Variants in MAL observed in about 807,000 individuals in gnomAD.
MAL encodes myelin and lymphocyte protein.
In MAL, 5 loss-of-function variants were observed where a neutral mutation model predicts 16.7. The observed-to-expected ratio is 0.30, with a 90% CI of 0.16 to 0.63. MAL has a LOEUF of 0.63. MAL is among the 30% of genes least tolerant of loss of function. The probability of loss-of-function intolerance (pLI) is 0.82; values close to 1 mark genes in which losing one functional copy is unlikely to be tolerated. For missense variants in MAL, 202 were observed against 195.8 expected, an observed-to-expected ratio of 1.03 and a Z score of -0.19; for synonymous variants, 96 against 85.5, an observed-to-expected ratio of 1.12 and a Z score of -0.67.
chr2:95,049,351 A>G (rs1674661732), intron 2 of MAL, among the ~76,000 whole-genome samples: 1 of 152,076 alleles, frequency 6.6e-6, no homozygotes, highest in Non-Finnish European at 1.5e-5. Context: ...ACCCTTCCTC[A>G]GGGGAGACCA....
At chr2:95,039,610 G>A (rs1276122890) in intron 1 of MAL, among the ~76,000 whole-genome samples, 2 of 151,500 alleles carry the variant, frequency 1.3e-5, no homozygotes, top group East Asian at 3.9e-4. Context: ...CTGAGTGAGT[G>A]AGTGACAGTG....
chr2:95,032,487 T>C (rs762403775), intron 1 of MAL, among the ~76,000 whole-genome samples: 8 of 152,174 alleles, frequency 5.3e-5, no homozygotes, highest in Non-Finnish European at 1.2e-4. Flanking sequence ...CATGGTGCTT[T>C]GGACCAGCAG....
At chr2:95,037,525 C>CG in intron 1 of MAL, among the ~76,000 whole-genome samples, 1 of 44,974 alleles carries the variant, frequency 2.2e-5, no homozygotes, top group East Asian at 7.0e-4. Context: ...AGTGAGTGAG[C>CG]AAGCGAGTGA....
intron 2 of MAL, among the ~76,000 whole-genome samples, chr2:95,049,231 C>T (rs567146623): frequency 6.6e-6 from 1 of 152,342 alleles, no homozygotes; most frequent in Admixed American, 6.5e-5. Context: ...CACTGGTCAG[C>T]GAGGCCACAC....
chr2:95,051,949 G>A (rs1317398923), intron 3 of MAL: 1 of 152,244 alleles, frequency 6.6e-6, no homozygotes, highest in Non-Finnish European at 1.5e-5. Context: ...TGGGTACAGG[G>A]AGGCACCTCA....
chr2:95,045,174 A>G (rs1674557812), intron 1 of MAL, among the ~76,000 whole-genome samples: 1 of 152,246 alleles, frequency 6.6e-6, no homozygotes, highest in South Asian at 2.1e-4. Flanking sequence ...CCTTCATCAG[A>G]AAAACCAAAG....
rs778160897 is a variant in MAL, at chr2:95,053,385, T to C, written c.392T>C (p.Phe131Ser). ...GGCCATTTCTCTTGGTTCCAGGTGT[T>C]CTCCTACATAGCCACTCTGCTCTAC... ...HYHENIAAVV[F>S]SYIATLLYVV... The change falls in exon 4 of 4, where the codon TTC becomes TCC. Residue 131 changes from phenylalanine (F) to serine (S), a missense_variant. Transcript: ENST00000309988. 23 of 1,611,444 alleles carry C rather than the reference T, an allele frequency of 1.4e-5. No homozygotes were observed.
intron 1 of MAL, among the ~76,000 whole-genome samples, chr2:95,036,013 A>G (rs940024176): frequency 1.3e-5 from 2 of 152,132 alleles, no homozygotes; most frequent in Non-Finnish European, 2.9e-5. Context: ...CCCCTTCTTC[A>G]CAAACTGATC....
chr2:95,032,812 CA>C (rs1382639951), intron 1 of MAL, among the ~76,000 whole-genome samples: 1 of 152,234 alleles, frequency 6.6e-6, no homozygotes, highest in Non-Finnish European at 1.5e-5. Context: ...GAACGTGCCA[CA>C]CTCTGCTTCT....
chr2:95,031,350 G>A (rs555694272), intron 1 of MAL, among the ~76,000 whole-genome samples: 68 of 152,260 alleles, frequency 4.5e-4, no homozygotes, highest in Admixed American at 1.2e-3. Flanking sequence ...GACAGCTCAG[G>A]ACCACTGGGA....
chr2:95,031,283 C>T (rs1013224367), intron 1 of MAL, among the ~76,000 whole-genome samples: 2 of 152,150 alleles, frequency 1.3e-5, no homozygotes, highest in African/African-American at 2.4e-5. Context: ...GCAGCCCTGC[C>T]CACCTGGCAG....
Position 95,025,772 on chromosome 2 carries a change from G to A in MAL, c.-21G>A, listed in dbSNP as rs200341801. ...CTGAGCGGCGCTCGTCCCGTCCCAA[G>A]GCCGACGCCAGCACGCCGTCATGGC... On this transcript the variant is annotated 5_prime_UTR_variant, in exon 1 of 4. Coordinates refer to ENST00000309988, the MANE Select transcript of MAL (RefSeq NM_002371.4). The surrounding 1 kb of genome is among the most constrained non-coding windows in gnomAD (Gnocchi z 5.6). The A allele has an allele frequency of 1.5e-4, 221 of 1,516,060 alleles. No individual in the cohort carries two copies. Among genetic ancestry groups the A allele is most frequent in the Non-Finnish European group, 1.9e-4 (211 of 1,127,690 alleles). 93.9% of individuals were successfully genotyped at this position (1,516,060 alleles called of 1,614,324 possible). A position where few individuals can be genotyped will look rare whatever the true frequency, so the allele number is the denominator to read the frequency against.
In MAL at chr2:95,053,701, G is replaced by C; in HGVS notation, c.*246G>C. 1 of 515,166 alleles carries C rather than the reference G, an allele frequency of 1.9e-6. No individual in the cohort carries two copies. Among genetic ancestry groups the C allele is most frequent in the South Asian group, 2.8e-5 (1 of 36,034 alleles). The allele number at this position is 515,166 out of a possible 1,614,324, so 31.9% of individuals were successfully genotyped here. On this transcript the variant is annotated 3_prime_UTR_variant, in exon 4 of 4. Coordinates refer to ENST00000309988, the MANE Select transcript of MAL (RefSeq NM_002371.4). ...CCTCCAACTGCTGTGCTGTCTGCTA[G>C]GGTCACCTCCTGTTTGTGAAAGGGG...
At chr2:95,038,968 GTGAC>G (rs1674350129) in intron 1 of MAL, among the ~76,000 whole-genome samples, 2 of 151,702 alleles carry the variant, frequency 1.3e-5, no homozygotes, top group Admixed American at 6.6e-5. Flanking sequence ...AAGTGAGTGA[GTGAC>G]TGAGTGAGTG....
chr2:95,047,629 G>C (rs1180394212), intron 1 of MAL, among the ~76,000 whole-genome samples: 1 of 152,172 alleles, frequency 6.6e-6, no homozygotes, highest in African/African-American at 2.4e-5. Context: ...GCTGAGGCAT[G>C]AGAATCACTT....
chr2:95,037,522 G>A (rs1242604489), intron 1 of MAL, among the ~76,000 whole-genome samples: 3 of 146,216 alleles, frequency 2.1e-5, no homozygotes, highest in Non-Finnish European at 4.5e-5. Context: ...GTGAGTGAGT[G>A]AGCAAGCGAG....
rs1295300741 is a variant in MAL at position 95,046,904 on chromosome 2, G to C, written c.94-1055G>C. Among the ~76,000 whole-genome samples, 5 of 149,210 alleles carry C rather than the reference G, an allele frequency of 3.4e-5. No homozygotes were observed. The East Asian group carries it at 9.9e-4, about 29-fold the overall frequency. On this transcript the variant is annotated intron_variant, in intron 1 of 3. Transcript: ENST00000309988. ...GAGAGAGAGAGAAAAGAAAGAGAGA[G>C]AGAGAAAGAGAGAGAAAGAAAGAGA...
At chr2:95,036,751 G>C (rs527867665) in intron 1 of MAL, among the ~76,000 whole-genome samples, 19 of 150,484 alleles carry the variant, frequency 1.3e-4, no homozygotes, top group Admixed American at 9.2e-4. Context: ...GTGAGTGACC[G>C]AGTGAGTGAC....
At chr2:95,028,152 CAA>C (rs898443996) in intron 1 of MAL, among the ~76,000 whole-genome samples, 3 of 39,686 alleles carry the variant, frequency 7.6e-5, no homozygotes, top group African/African-American at 1.0e-4. Context: ...ACTAAAAATA[CAA>C]AAAAAAAAAA....
Sources: allele counts gnomAD v4.1 joint callset (sites outside exome capture counted in the v4.1 genomes callset), GRCh38; gene constraint gnomAD v4.1.1; non-coding constraint Gnocchi (gnomAD v3.1); transcripts MANE v1.5; gene names NCBI Gene and HGNC (gene_info 2026-07-23, HGNC 2026-07-21).